APPBP2: variants seen among roughly 807,000 people sequenced by gnomAD.
APPBP2 encodes the protein amyloid beta precursor protein binding protein 2, also known as amyloid protein-binding protein 2.
A neutral mutation model predicts 76.0 loss-of-function variants in APPBP2; 15 were observed. The ratio of observed to expected loss-of-function variants is 0.20; its 90% confidence interval spans 0.13 to 0.30. The LOEUF (loss-of-function observed/expected upper bound fraction) is 0.30, where lower values mean the gene tolerates loss of function less well. Ranked by LOEUF, APPBP2 falls within the 10% of genes least tolerant of loss-of-function variation. The pLI is 1.00. For synonymous variants in APPBP2, 222 were observed against 242.2 expected (o/e 0.92, Z 0.77); for missense variants, 401 against 687.2 (o/e 0.58, Z 4.66).
chr17:60,446,244 CTTTT>C lies in APPBP2; in HGVS notation c.*1333_*1336del, dbSNP rs770647902. 2.0e-5 allele frequency: 3 copies of C among 152,522 alleles called. No homozygotes were observed. Among genetic ancestry groups the C allele is most frequent in the Non-Finnish European group, 2.9e-5 (2 of 68,016 alleles). 9.4% of individuals were successfully genotyped at this position (152,522 alleles called of 1,614,324 possible). A position where few individuals can be genotyped will look rare whatever the true frequency, so the allele number is the denominator to read the frequency against. ...AAGAATTGAGGTAACAGCAAAATAC[CTTTT>C]TGTTTCTTGAATTGCTACATGTCAC... is the stretch of plus-strand genomic sequence containing the variant. On this transcript the variant is annotated 3_prime_UTR_variant, in exon 13 of 13. Transcript: ENST00000083182.
At chr17:60,512,080 C>T (rs947915098) in intron 1 of APPBP2, among the ~76,000 whole-genome samples, 14 of 151,562 alleles carry the variant, frequency 9.2e-5, no homozygotes, top group African/African-American at 3.2e-4. Context: ...GGTCTCACTC[C>T]TTGAGGTGTT....
intron 1 of APPBP2, among the ~76,000 whole-genome samples, chr17:60,525,056 G>A (rs1164343835): frequency 2.0e-5 from 3 of 152,196 alleles, no homozygotes; most frequent in African/African-American, 7.2e-5. Flanking sequence ...TTGAGGGGGA[G>A]TGATTTAAGA....
chr17:60,519,125 A>G (rs1203782974), intron 1 of APPBP2, among the ~76,000 whole-genome samples: 2 of 146,862 alleles, frequency 1.4e-5, no homozygotes, highest in Admixed American at 6.6e-5. Flanking sequence ...CCACACCTGA[A>G]TAAATTTTTT....
intron 1 of APPBP2, among the ~76,000 whole-genome samples, chr17:60,505,901 C>T (rs2090864512): frequency 6.7e-6 from 1 of 149,460 alleles, no homozygotes; most frequent in Non-Finnish European, 1.5e-5. Flanking sequence ...CCAGGCTGTT[C>T]TCGAACTCCT....
chr17:60,500,475 C>T lies in APPBP2; in HGVS notation c.151G>A (p.Gly51Arg). 1 of 1,603,822 alleles carries T rather than the reference C, an allele frequency of 6.2e-7. No individual in the cohort carries two copies. Among genetic ancestry groups the T allele is most frequent in the Non-Finnish European group, 8.5e-7 (1 of 1,176,456 alleles). ...FDVYYKLYQQGRLCQLGSEFC... is the reference protein window; with the variant it reads ...FDVYYKLYQQRRLCQLGSEFC... Reference sequence around the variant, plus strand: ...TCACTGCCCAGTTGACATAAGCGTCCCTGTTGGTAAAGCTGAAATAAAAAA... The same window carrying T: ...TCACTGCCCAGTTGACATAAGCGTCTCTGTTGGTAAAGCTGAAATAAAAAA... Residue 51 changes from glycine to arginine, a missense_variant, in exon 2 of 13, where the codon GGA becomes AGA. Transcript: ENST00000083182.
intron 2 of APPBP2, among the ~76,000 whole-genome samples, chr17:60,495,335 C>T (rs556677370): frequency 3.0e-4 from 45 of 151,526 alleles, no homozygotes; most frequent in African/African-American, 8.0e-4. Flanking sequence ...CCAATAAACA[C>T]GAAATAAGAG....
intron 1 of APPBP2, among the ~76,000 whole-genome samples, chr17:60,506,496 TCA>T (rs536785618): frequency 3.3e-4 from 51 of 152,332 alleles, no homozygotes; most frequent in South Asian, 1.0e-3. Flanking sequence ...TGTCACTTCC[TCA>T]CAGAGCTCTT....
intron 1 of APPBP2, among the ~76,000 whole-genome samples, chr17:60,511,620 C>G (rs1157277156): frequency 6.6e-6 from 1 of 151,476 alleles, no homozygotes; most frequent in African/African-American, 2.4e-5. Flanking sequence ...GAAAACACTT[C>G]CTGTCTCTAT....
rs1386781006 is a variant in APPBP2 at position 60,494,987 on chromosome 17, T to TTG, written c.228-371_228-370insCA. The stretch of plus-strand genomic sequence containing the variant: ...AGAGTTTTTTTTGTTTTGTTTTGTT[T>TTG]TTTTTTTTTTTTTTTGAGATGGAGT... On this transcript the variant is annotated intron_variant, in intron 2 of 12. Coordinates refer to ENST00000083182, the MANE Select transcript of APPBP2 (RefSeq NM_006380.5). Among the ~76,000 whole-genome samples, 10 of 127,338 alleles carry TTG rather than the reference T, an allele frequency of 7.9e-5. No individual in the cohort carries two copies. The East Asian group carries it at 1.2e-3, about 15-fold the overall frequency. 83.5% of individuals were successfully genotyped at this position (127,338 alleles called of 152,430 possible).
rs62082117 is a variant in APPBP2 at position 60,500,639 on chromosome 17, A to C, written c.139-152T>G. 173 of 655,974 alleles carry C rather than the reference A, an allele frequency of 2.6e-4. 2 individuals carry two copies. The highest frequency in any genetic ancestry group is 4.3e-4 in the Non-Finnish European group (161 of 375,756). The allele number at this position is 655,974 out of a possible 1,614,324, so 40.6% of individuals were successfully genotyped here. On this transcript the variant is annotated intron_variant, in intron 1 of 12. Coordinates refer to ENST00000083182, the MANE Select transcript of APPBP2 (RefSeq NM_006380.5). ...AACAAATTTCTACAATTCATATAAA[A>C]ATATTTTAATAGTTGCATATAATCG...
Position 60,447,823 on chromosome 17 carries a change from A to G in APPBP2, c.1516T>C (p.Phe506Leu). The G allele has an allele frequency of 6.3e-7, 1 of 1,575,614 alleles. No homozygotes were observed. Among genetic ancestry groups the G allele is most frequent in the Non-Finnish European group, 8.6e-7 (1 of 1,161,790 alleles). ...LRSIAIGKKL[F>L]GEGYSGLEYD... ...TCTAGTCCACTGTAGCCCTCACCAA[A>G]AAGTTTCTTCCCTGTAACAAAAAAG... The change falls in exon 13 of 13, where the codon TTT becomes CTT. Residue 506 changes from phenylalanine to leucine, a missense_variant. Transcript: ENST00000083182.
chr17:60,456,776 C>T (rs2090434479), intron 9 of APPBP2, among the ~76,000 whole-genome samples: 1 of 152,044 alleles, frequency 6.6e-6, no homozygotes, highest in Non-Finnish European at 1.5e-5. Context: ...AATGCTCTTC[C>T]CCTGAACATT....
At chr17:60,525,345 A>C (rs2091043470) in intron 1 of APPBP2, among the ~76,000 whole-genome samples, 1 of 152,116 alleles carries the variant, frequency 6.6e-6, no homozygotes, top group East Asian at 1.9e-4. Flanking sequence ...ACACCAAAAC[A>C]CTCGGGGAAG....
intron 1 of APPBP2, among the ~76,000 whole-genome samples, chr17:60,522,440 C>T (rs949106206): frequency 9.2e-5 from 14 of 152,170 alleles, no homozygotes. Flanking sequence ...CCTCTCACCT[C>T]AGCCTCCCGA....
intron 1 of APPBP2, among the ~76,000 whole-genome samples, chr17:60,524,090 TAAAACTGTGTGAACTATGTGAAACAGAA>T: frequency 6.6e-6 from 1 of 152,334 alleles, no homozygotes; most frequent in East Asian, 1.9e-4. Context: ...GGAGCAATAT[TAAAACTGTGTGAACTATGTGAAACAGAA>T]ATTCTAACAA....
intron 4 of APPBP2, among the ~76,000 whole-genome samples, chr17:60,469,123 C>G (rs1360648644): frequency 6.6e-6 from 1 of 151,670 alleles, no homozygotes; most frequent in Non-Finnish European, 1.5e-5. Context: ...GTCAGGAGAT[C>G]GAGACCATCC....
intron 1 of APPBP2, among the ~76,000 whole-genome samples, chr17:60,517,787 A>G (rs951586519): frequency 1.3e-5 from 2 of 152,210 alleles, no homozygotes; most frequent in African/African-American, 2.4e-5. Context: ...TAGCCAGGTA[A>G]CAAGTTGAAT....
chr17:60,516,043 G>A (rs987680650), intron 1 of APPBP2, among the ~76,000 whole-genome samples: 2 of 152,162 alleles, frequency 1.3e-5, no homozygotes. Context: ...GCACGCACCT[G>A]TAATCCCAGC....
rs1555629382 is a variant in APPBP2 at position 60,443,928 on chromosome 17, CTGT to C, written c.*3650_*3652del. 1 of 152,510 alleles carries C rather than the reference CTGT, an allele frequency of 6.6e-6. No individual in the cohort carries two copies. Among genetic ancestry groups the C allele is most frequent in the Non-Finnish European group, 1.5e-5 (1 of 68,034 alleles). 9.4% of individuals were successfully genotyped at this position (152,510 alleles called of 1,614,324 possible). A position where few individuals can be genotyped will look rare whatever the true frequency, so the allele number is the denominator to read the frequency against. ...CTGAGATTTATGGACAAAAGAAGTA[CTGT>C]TGAAGCTGGAGATTAATCCAAATGT... On this transcript the variant is annotated 3_prime_UTR_variant, in exon 13 of 13. Coordinates refer to ENST00000083182, the MANE Select transcript of APPBP2 (RefSeq NM_006380.5).
Sources: gnomAD v4.1 joint callset for allele counts (sites outside exome capture counted in the v4.1 genomes callset) on GRCh38, gnomAD v4.1.1 for gene constraint, MANE v1.5 for transcripts, NCBI Gene and HGNC (gene_info 2026-07-23, HGNC 2026-07-21) for gene names.